Variants in CNOT10 observed in about 807,000 individuals in gnomAD.
CNOT10 encodes the protein CCR4-NOT transcription complex, subunit 10.
A neutral mutation model predicts 94.6 loss-of-function variants in CNOT10; 30 were observed. The ratio of observed to expected loss-of-function variants is 0.32; its 90% CI spans 0.24 to 0.43. CNOT10 has a LOEUF of 0.43. Among genes scored for constraint, CNOT10 ranks in the 20% least tolerant of loss-of-function variants. The pLI, the probability that CNOT10 is intolerant of heterozygous loss-of-function variation, is 1.00. For synonymous variants in CNOT10, 289 were observed against 301.6 expected (o/e 0.96, Z 0.43); for missense variants, 759 against 877.2 (o/e 0.87, Z 1.70).
At chr3:32,709,229 G>A (rs183629601) in intron 4 of CNOT10, among the ~76,000 whole-genome samples, 25 of 152,282 alleles carry the variant, frequency 1.6e-4, no homozygotes, top group Admixed American at 5.2e-4. Context: ...GGAGTAGGAA[G>A]TATAGAACAG....
At chr3:32,737,328 G>A in intron 12 of CNOT10, 82 bp from the exon 13 acceptor site, 3 of 929,196 alleles carry the variant, frequency 3.2e-6, no homozygotes, top group Non-Finnish European at 3.3e-6. Flanking sequence ...AAAAAGTTGG[G>A]AGTAAGGACA....
chr3:32,695,445 T>A, intron 1 of CNOT10: 1 of 827,438 alleles, frequency 1.2e-6, no homozygotes, highest in South Asian at 2.3e-5. Context: ...TTTCTTGATA[T>A]ATCAGTGGAG....
chr3:32,742,484 C>G (rs751433750), intron 13 of CNOT10, among the ~76,000 whole-genome samples: 1 of 151,434 alleles, frequency 6.6e-6, no homozygotes. Flanking sequence ...CAGGTGCAAG[C>G]GACTCTCATG....
At chr3:32,724,350 A>G (rs969053171) in intron 8 of CNOT10, among the ~76,000 whole-genome samples, 2 of 150,622 alleles carry the variant, frequency 1.3e-5, no homozygotes, top group Non-Finnish European at 2.9e-5. Flanking sequence ...GGGCCAAGCA[A>G]TTCTCCTACC....
At chr3:32,764,943 A>G in intron 17 of CNOT10, 134 bp downstream of exon 17, 4 of 1,503,402 alleles carry the variant, frequency 2.7e-6, no homozygotes, top group South Asian at 1.3e-5. Context: ...CAGATATAAA[A>G]ATATTCTTGC....
At chr3:32,759,411 T>A (rs376445555) in intron 13 of CNOT10, 47 bp from the exon 14 acceptor site, 2 of 1,280,758 alleles carry the variant, frequency 1.6e-6, no homozygotes, top group Non-Finnish European at 1.1e-6. Context: ...ATAACCATTA[T>A]CAATGTTTAA....
At chr3:32,737,588 G>A in intron 13 of CNOT10, 98 bp downstream of exon 13, 1 of 693,624 alleles carries the variant, frequency 1.4e-6, no homozygotes, top group Non-Finnish European at 2.4e-6. Flanking sequence ...ACTTTGGGAG[G>A]CCGAGGCTGG....
intron 1 of CNOT10, among the ~76,000 whole-genome samples, chr3:32,694,342 G>A (rs985278953): frequency 6.6e-6 from 1 of 152,152 alleles, no homozygotes; most frequent in South Asian, 2.1e-4. Flanking sequence ...TTTAAAATTA[G>A]ACCTCCAAGT....
At chr3:32,758,382 C>G (rs1384984541) in intron 13 of CNOT10, among the ~76,000 whole-genome samples, 1 of 152,130 alleles carries the variant, frequency 6.6e-6, no homozygotes, top group Non-Finnish European at 1.5e-5. Context: ...TTCTAAGATT[C>G]TAGGAACCAA....
intron 1 of CNOT10, among the ~76,000 whole-genome samples, chr3:32,688,004 T>C (rs796824970): frequency 6.6e-5 from 10 of 152,306 alleles, no homozygotes; most frequent in African/African-American, 2.4e-4. Context: ...GTGTGTGTTC[T>C]TCATCAGGTA....
At chr3:32,689,184 C>G (rs1323664139) in intron 1 of CNOT10, among the ~76,000 whole-genome samples, 1 of 152,000 alleles carries the variant, frequency 6.6e-6, no homozygotes, top group African/African-American at 2.4e-5. Flanking sequence ...GAAACCCTGT[C>G]TTGACTAAAA....
At chr3:32,695,517 G>A in intron 1 of CNOT10, 3 of 1,461,184 alleles carry the variant, frequency 2.1e-6, no homozygotes, top group Non-Finnish European at 2.7e-6. Flanking sequence ...TTAACATTCT[G>A]TATTGGAATG....
rs77878221 is a variant in CNOT10, at chr3:32,754,489, A to AAAATAT, written c.1596-4968_1596-4967insAATATA. On this transcript the variant is annotated intron_variant, in intron 13 of 18. Transcript: ENST00000328834. ...AAGACTCCGTCTCAAAAAAAAAAAA[A>AAAATAT]ATACATATATATATATATATTTATT... 2.4e-3 allele frequency among the ~76,000 whole-genome samples: 171 copies of AAAATAT among 70,208 alleles called. 20 individuals are homozygous for AAAATAT. The highest frequency in any genetic ancestry group is 0.012 in the African/African-American group (160 of 13,052). The allele number at this position is 70,208 out of a possible 152,430, so 46.1% of individuals were successfully genotyped here.
chr3:32,753,214 A>G lies in CNOT10; in HGVS notation c.1596-6244A>G, dbSNP rs903719519. On this transcript the variant is annotated intron_variant, in intron 13 of 18. Coordinates refer to ENST00000328834, the MANE Select transcript of CNOT10 (RefSeq NM_015442.3). ...ATGCTGCTGCCCTAGAAATTTTTAC[A>G]GAAGGACAAAAATTAGATAGTGCAG... is the stretch of plus-strand genomic sequence containing the variant. The G allele has an allele frequency of 1.7e-5, 12 of 709,380 alleles. No individual in the cohort carries two copies. The Admixed American group carries it at 2.3e-4, about 14-fold the overall frequency. The allele number at this position is 709,380 out of a possible 1,614,324, so 43.9% of individuals were successfully genotyped here.
chr3:32,697,667 G>T lies in CNOT10; in HGVS notation c.23-6201G>T, dbSNP rs116640544. Among the ~76,000 whole-genome samples, 1,449 of 152,158 alleles carry T rather than the reference G, an allele frequency of 9.5e-3. 29 individuals carry two copies. Among genetic ancestry groups the T allele is most frequent in the African/African-American group, 0.033 (1,366 of 41,502 alleles). ...AACAATTTTTTAAAATAGAGACAGG[G>T]TCTTGTTTTGTTTCCCAGGCTGGTC... On this transcript the variant is annotated intron_variant, in intron 1 of 18. Transcript: ENST00000328834.
chr3:32,687,475 G>T (rs1330189364), intron 1 of CNOT10, among the ~76,000 whole-genome samples: 2 of 570 alleles, frequency 3.5e-3, no homozygotes, highest in African/African-American at 6.1e-3. Context: ...TTTTTGAGAC[G>T]GAGTCTCGCT....
chr3:32,768,537 C>T (rs6799582), intron 17 of CNOT10, among the ~76,000 whole-genome samples: 3,066 of 151,650 alleles, frequency 0.02, 107 homozygotes, highest in African/African-American at 0.068. Context: ...GAGCCTAGAT[C>T]GTGCAATTGC....
At position 32,713,162 on chromosome 3, in the gene CNOT10, G is replaced by A. The variant is rs186583847; in HGVS notation, c.431-65G>A. ...AAAGCTTTGTATACTTTTTTGGAGG[G>A]TGGTCTGAAATGTGTGCTTTACTTT... On this transcript the variant is annotated intron_variant, in intron 4 of 18. Coordinates refer to ENST00000328834, the MANE Select transcript of CNOT10 (RefSeq NM_015442.3). 95 of 1,278,216 alleles carry A rather than the reference G, an allele frequency of 7.4e-5. No individual in the cohort carries two copies. In the African/African-American group the frequency reaches 1.0e-3, roughly 13 times the overall value. 79.2% of individuals were successfully genotyped at this position (1,278,216 alleles called of 1,614,324 possible).
chr3:32,734,073 T>C (rs1359335668), intron 11 of CNOT10, among the ~76,000 whole-genome samples: 1 of 152,226 alleles, frequency 6.6e-6, no homozygotes, highest in East Asian at 1.9e-4. Context: ...TGCCTTAATT[T>C]GTTTTTGTCA....
Sources: gnomAD v4.1 joint callset for allele counts (sites outside exome capture counted in the v4.1 genomes callset) on GRCh38, gnomAD v4.1.1 for gene constraint, MANE v1.5 for transcripts, NCBI Gene and HGNC (gene_info 2026-07-23, HGNC 2026-07-21) for gene names.